SLC35D4: variants seen among roughly 807,000 people sequenced by gnomAD.
SLC35D4 encodes the protein solute carrier family 35 member D4, also known as UDP-N-acetylglucosamine transporter SLC35D4.
At chr18:23,254,616 A>G in the SLC35D4 span, among the ~76,000 whole-genome samples, 433 of 152,296 alleles carry the variant, frequency 2.8e-3, no homozygotes, top group Non-Finnish European at 4.8e-3. Flanking sequence ...TATTTCTCAT[A>G]GTTTTGGAGG....
chr18:23,373,070 T>A, the SLC35D4 span, among the ~76,000 whole-genome samples: 1 of 152,118 alleles, frequency 6.6e-6, no homozygotes, highest in African/African-American at 2.4e-5. Context: ...TACCAGCACC[T>A]TGGGAGGCCG....
the SLC35D4 span, among the ~76,000 whole-genome samples, chr18:23,398,021 C>T: frequency 6.6e-6 from 1 of 152,128 alleles, no homozygotes; most frequent in Non-Finnish European, 1.5e-5. Context: ...GTGATTGTGC[C>T]ACTGCACTCT....
the SLC35D4 span, among the ~76,000 whole-genome samples, chr18:23,272,732 T>C: frequency 1.3e-5 from 2 of 152,190 alleles, no homozygotes; most frequent in Admixed American, 1.3e-4. Context: ...TACCACTGTC[T>C]TCGTTAGCAT....
chr18:23,248,221 G>A, the SLC35D4 span, among the ~76,000 whole-genome samples: 51 of 152,294 alleles, frequency 3.3e-4, no homozygotes, highest in South Asian at 4.4e-3. Context: ...CAGACTCAAC[G>A]GATCGGATAT....
chr18:23,408,021 C>A, the SLC35D4 span, among the ~76,000 whole-genome samples: 2 of 152,138 alleles, frequency 1.3e-5, no homozygotes, highest in African/African-American at 4.8e-5. Context: ...CTGCCAGGAA[C>A]CCTCTCCCCA....
the SLC35D4 span, among the ~76,000 whole-genome samples, chr18:23,389,746 T>C: frequency 2.0e-4 from 31 of 152,118 alleles, no homozygotes; most frequent in Non-Finnish European, 3.8e-4. Context: ...GCCATGTTGA[T>C]CAGGCTGGTC....
the SLC35D4 span, among the ~76,000 whole-genome samples, chr18:23,308,594 T>G: frequency 1.3e-5 from 2 of 152,178 alleles, no homozygotes; most frequent in African/African-American, 4.8e-5. Flanking sequence ...TTCTCAGCCA[T>G]CATCATCTTG....
the SLC35D4 span, among the ~76,000 whole-genome samples, chr18:23,418,353 ATTATT>A: frequency 7.5e-6 from 1 of 133,250 alleles, no homozygotes; most frequent in African/African-American, 3.5e-5. Context: ...AGCCAAAATT[ATTATT>A]ATTATTATTA....
At chr18:23,390,199 C>T in the SLC35D4 span, among the ~76,000 whole-genome samples, 1 of 152,064 alleles carries the variant, frequency 6.6e-6, no homozygotes, top group Non-Finnish European at 1.5e-5. Context: ...TCTTTTTTAC[C>T]TGACTCTTCA....
chr18:23,269,830 A>T, the SLC35D4 span, among the ~76,000 whole-genome samples: 2 of 152,232 alleles, frequency 1.3e-5, no homozygotes, highest in African/African-American at 4.8e-5. Context: ...TGGAACTTTG[A>T]ACTTGAGAGA....
At chr18:23,375,763 G>A in the SLC35D4 span, among the ~76,000 whole-genome samples, 4 of 152,114 alleles carry the variant, frequency 2.6e-5, no homozygotes, top group Admixed American at 6.5e-5. Context: ...AATTTTCACC[G>A]TAAAGCAATT....
chr18:23,431,004 AT>A, the SLC35D4 span, among the ~76,000 whole-genome samples: 1 of 151,920 alleles, frequency 6.6e-6, no homozygotes, highest in Non-Finnish European at 1.5e-5. Context: ...AAATACAAAC[AT>A]TAGCTGGGCG....
the SLC35D4 span, chr18:23,371,547 C>T: frequency 8.1e-7 from 1 of 1,240,062 alleles, no homozygotes; most frequent in Admixed American, 2.3e-5. Context: ...CATCAGAAAA[C>T]CTGTCATCAA....
At chr18:23,274,600 C>A in the SLC35D4 span, among the ~76,000 whole-genome samples, 2 of 152,178 alleles carry the variant, frequency 1.3e-5, no homozygotes, top group Non-Finnish European at 2.9e-5. Context: ...CCTCTCCCTG[C>A]CCCTTCCCCT....
the SLC35D4 span, among the ~76,000 whole-genome samples, chr18:23,421,160 C>A: frequency 6.6e-6 from 1 of 152,076 alleles, no homozygotes; most frequent in African/African-American, 2.4e-5. Flanking sequence ...ATGAGAATTG[C>A]TTGAACCTGG....
chr18:23,350,063 C>T, the SLC35D4 span, among the ~76,000 whole-genome samples: 3 of 152,152 alleles, frequency 2.0e-5, no homozygotes. Flanking sequence ...CTCTGAATGT[C>T]TCTCATGTTT....
At chr18:23,282,444 G>A in the SLC35D4 span, among the ~76,000 whole-genome samples, 1 of 152,218 alleles carries the variant, frequency 6.6e-6, no homozygotes, top group Non-Finnish European at 1.5e-5. Flanking sequence ...TCGGCTCACT[G>A]GGGAGCACGG....
At chr18:23,359,856 CAG>C in the SLC35D4 span, among the ~76,000 whole-genome samples, 1 of 152,242 alleles carries the variant, frequency 6.6e-6, no homozygotes, top group Admixed American at 6.5e-5. Flanking sequence ...AACTCTTTAA[CAG>C]GGGAAATTTC....
At chr18:23,293,171 G>C in the SLC35D4 span, among the ~76,000 whole-genome samples, 1 of 152,192 alleles carries the variant, frequency 6.6e-6, no homozygotes, top group African/African-American at 2.4e-5. Flanking sequence ...TTGAACCTGG[G>C]AGGTAGAGGT....
Sources: allele counts gnomAD v4.1 joint callset (sites outside exome capture counted in the v4.1 genomes callset), GRCh38; gene constraint gnomAD v4.1.1; transcripts MANE v1.5; gene names NCBI Gene and HGNC (gene_info 2026-07-23, HGNC 2026-07-21).